The following TMEM114 variants were observed in gnomAD, a reference collection of about 807,000 sequenced individuals.
The protein encoded by TMEM114 is transmembrane protein 114.
Under a neutral mutation model 6.2 loss-of-function variants are expected in TMEM114, and 6 were observed. The ratio of observed to expected loss-of-function variants is 0.97; its 90% CI spans 0.53 to 1.91. TMEM114 has a LOEUF of 1.91. Among genes scored for constraint, TMEM114 ranks in the 40% most tolerant of loss-of-function variants. The probability of loss-of-function intolerance (pLI) is 0.01; values close to 1 mark genes in which losing one functional copy is unlikely to be tolerated. For synonymous variants in TMEM114, 104 were observed against 73.0 expected, an observed-to-expected ratio of 1.42 and a Z score of -2.16; for missense variants, 218 against 158.3, an observed-to-expected ratio of 1.38 and a Z score of -2.02.
At chr16:8,570,179 C>T (rs78354264) in intron 3 of TMEM114, among the ~76,000 whole-genome samples, 174 bp from the exon 4 acceptor site, 1,987 of 152,320 alleles carry the variant, frequency 0.013, 35 homozygotes, top group African/African-American at 0.045. Flanking sequence ...CCCTGCTTCT[C>T]TGCCTGTCAT....
intron 2 of TMEM114, among the ~76,000 whole-genome samples, chr16:8,561,927 AG>A (rs1555463368): frequency 5.1e-5 from 1 of 19,518 alleles, no homozygotes; most frequent in East Asian, 3.0e-3. Flanking sequence ...TAAGTGAATG[AG>A]TGAGTGAGTA....
intron 2 of TMEM114, among the ~76,000 whole-genome samples, chr16:8,549,304 A>C (rs568967575): frequency 4.6e-5 from 7 of 151,716 alleles, no homozygotes; most frequent in Non-Finnish European, 8.8e-5. Flanking sequence ...GTTCGAGACC[A>C]GCCTGGCCAA....
At chr16:8,560,342 T>C (rs1485301608) in intron 2 of TMEM114, among the ~76,000 whole-genome samples, 2 of 152,160 alleles carry the variant, frequency 1.3e-5, no homozygotes, top group Non-Finnish European at 1.5e-5. Context: ...TGAGTTTCTG[T>C]TGGCTTGTCC....
intron 2 of TMEM114, among the ~76,000 whole-genome samples, chr16:8,542,411 TC>T (rs1900541619): frequency 6.6e-6 from 1 of 152,212 alleles, no homozygotes; most frequent in Non-Finnish European, 1.5e-5. Context: ...CCCTTAGTCA[TC>T]CCAGGTCATT....
downstream of TMEM114, among the ~76,000 whole-genome samples, chr16:8,537,336 A>G (rs1257707238): frequency 6.6e-6 from 1 of 152,146 alleles, no homozygotes; most frequent in Non-Finnish European, 1.5e-5. Context: ...CCCCGTCTCT[A>G]CTAAAAATAC....
At chr16:8,586,237 T>A (rs1902316363) in intron 2 of TMEM114, among the ~76,000 whole-genome samples, 1 of 152,236 alleles carries the variant, frequency 6.6e-6, no homozygotes, top group Non-Finnish European at 1.5e-5. Context: ...GGAAACTCGA[T>A]GTCAAGTCAT....
chr16:8,570,132 C>T (rs1054812593), intron 3 of TMEM114, 127 bp from the exon 4 acceptor site: 14 of 1,291,654 alleles, frequency 1.1e-5, no homozygotes, highest in African/African-American at 5.9e-5. Context: ...GCTGCGGGAC[C>T]TTTGCGCGTG....
downstream of TMEM114, among the ~76,000 whole-genome samples, chr16:8,537,034 T>C (rs1208845611): frequency 6.6e-6 from 1 of 151,446 alleles, no homozygotes; most frequent in East Asian, 2.0e-4. Flanking sequence ...GATGAAACCC[T>C]ATGTCTACAA....
chr16:8,560,398 G>C (rs1456295424), intron 2 of TMEM114, among the ~76,000 whole-genome samples: 1 of 152,124 alleles, frequency 6.6e-6, no homozygotes, highest in Non-Finnish European at 1.5e-5. Flanking sequence ...ACAGTGGCAA[G>C]GGTCAGATGA....
At chr16:8,534,047 C>A (rs756706952), downstream of TMEM114, among the ~76,000 whole-genome samples, 7 of 152,178 alleles carry the variant, frequency 4.6e-5, no homozygotes, top group Non-Finnish European at 8.8e-5. Context: ...TTCACTTCTC[C>A]CTCCTTCTGT....
chr16:8,553,277 T>G (rs1311751297), intron 2 of TMEM114, among the ~76,000 whole-genome samples: 2 of 152,182 alleles, frequency 1.3e-5, no homozygotes, highest in East Asian at 3.9e-4. Flanking sequence ...CACTTTGAAA[T>G]TGAGGTTCTG....
intron 2 of TMEM114, among the ~76,000 whole-genome samples, chr16:8,554,869 G>C (rs577433067): frequency 3.9e-5 from 6 of 152,320 alleles, no homozygotes; most frequent in South Asian, 4.1e-4. Flanking sequence ...GGGACGAAGA[G>C]CTTAAGCAGT....
At chr16:8,530,605 G>A in the TMEM114 span, among the ~76,000 whole-genome samples, 1 of 151,758 alleles carries the variant, frequency 6.6e-6, no homozygotes, top group Non-Finnish European at 1.5e-5. Context: ...AAGGAAGGAA[G>A]AAGGGAAGGT....
chr16:8,560,539 G>A (rs188615133), intron 2 of TMEM114, among the ~76,000 whole-genome samples: 11 of 152,286 alleles, frequency 7.2e-5, no homozygotes, highest in South Asian at 2.1e-4. Flanking sequence ...TCCAAAAGGC[G>A]GGTTGTTTAT....
At chr16:8,580,890 C>T (rs570761022) in intron 2 of TMEM114, among the ~76,000 whole-genome samples, 30 of 152,286 alleles carry the variant, frequency 2.0e-4, no homozygotes, top group African/African-American at 6.5e-4. Context: ...CAGCGTTTCA[C>T]CATGTTGCCC....
At chr16:8,541,632 T>G (rs1596466182) in intron 2 of TMEM114, among the ~76,000 whole-genome samples, 2 of 152,220 alleles carry the variant, frequency 1.3e-5, no homozygotes, top group Admixed American at 1.3e-4. Flanking sequence ...ATTGTGTCAG[T>G]TTTATTAATG....
intron 3 of TMEM114, among the ~76,000 whole-genome samples, chr16:8,570,682 C>T (rs989956557): frequency 6.6e-6 from 1 of 152,152 alleles, no homozygotes; most frequent in Non-Finnish European, 1.5e-5. Flanking sequence ...GGCAGACATG[C>T]TCCTGTTGGT....
intron 2 of TMEM114, among the ~76,000 whole-genome samples, chr16:8,559,025 G>C (rs59823861): frequency 0.075 from 11,377 of 150,692 alleles, 525 homozygotes; most frequent in Middle Eastern, 0.18. Context: ...TTAAAGGCGT[G>C]AGCCACTGCA....
At chr16:8,527,416 T>C in the TMEM114 span, among the ~76,000 whole-genome samples, 1,279 of 152,256 alleles carry the variant, frequency 8.4e-3, 18 homozygotes, top group African/African-American at 0.028. Context: ...GGCTCACTGT[T>C]TATCTGAACC....
Sources: allele counts gnomAD v4.1 joint callset (sites outside exome capture counted in the v4.1 genomes callset), GRCh38; gene constraint gnomAD v4.1.1; transcripts MANE v1.5; gene names NCBI Gene and HGNC (gene_info 2026-07-23, HGNC 2026-07-21).